SNX27: variants seen among roughly 807,000 people sequenced by gnomAD.
The protein encoded by SNX27 is sorting nexin 27.
SNX27 carries 22 observed loss-of-function variants against 71.6 expected under a neutral mutation model. That is an observed-to-expected ratio of 0.31 (90% CI 0.22 to 0.44). The LOEUF (loss-of-function observed/expected upper bound fraction) is 0.44. Among genes scored for constraint, SNX27 ranks in the 20% least tolerant of loss-of-function variants. The pLI is 1.00. For synonymous variants in SNX27, 269 were observed against 277.2 expected (o/e 0.97, Z 0.29); for missense variants, 531 against 698.6 (o/e 0.76, Z 2.70).
In SNX27 at chr1:151,612,925, C is replaced by A. The variant is rs370418916; in HGVS notation, c.311+413C>A. 2.6e-5 allele frequency among the ~76,000 whole-genome samples: 4 copies of A among 152,020 alleles called. No individual in the cohort carries two copies. The highest frequency in any genetic ancestry group is 2.4e-5 in the African/African-American group (1 of 41,342). Reference sequence around the variant, plus strand: ...CTGATCCAGCCAGTACCGTGTCCCCCCCAAGTTCTCATCTTCAGCATCGCA... The same window carrying A: ...CTGATCCAGCCAGTACCGTGTCCCCACCAAGTTCTCATCTTCAGCATCGCA... On this transcript the variant is annotated intron_variant, in intron 1 of 11. Transcript: ENST00000458013. This position sits in a 1 kb window ranked among gnomAD's most constrained non-coding sequence, Gnocchi z 5.2.
chr1:151,689,535 A>G (rs998053272), intron 8 of SNX27, among the ~76,000 whole-genome samples: 2 of 152,262 alleles, frequency 1.3e-5, no homozygotes, highest in African/African-American at 2.4e-5. Flanking sequence ...GATCTATTAT[A>G]GTAAAAGTCC....
chr1:151,623,823 GAAA>G (rs940405079), intron 1 of SNX27, among the ~76,000 whole-genome samples: 2 of 149,300 alleles, frequency 1.3e-5, no homozygotes, highest in African/African-American at 4.9e-5. Flanking sequence ...AGATAAAAAT[GAAA>G]AAAAAATCCT....
At chr1:151,664,652 T>C (rs1484219599) in intron 5 of SNX27, among the ~76,000 whole-genome samples, 1 of 152,176 alleles carries the variant, frequency 6.6e-6, no homozygotes, top group African/African-American at 2.4e-5. Context: ...TATATTTCTC[T>C]TTTGTAGCAA....
intron 1 of SNX27, among the ~76,000 whole-genome samples, chr1:151,632,781 G>A (rs1391774258): frequency 6.6e-6 from 1 of 151,884 alleles, no homozygotes; most frequent in Non-Finnish European, 1.5e-5. Flanking sequence ...GTAGAATAGG[G>A]GTTATGCTTT....
chr1:151,618,895 G>A (rs1319288640), intron 1 of SNX27, among the ~76,000 whole-genome samples: 4 of 152,044 alleles, frequency 2.6e-5, no homozygotes, highest in African/African-American at 7.2e-5. Flanking sequence ...CCCATGGATG[G>A]GTTGGTACAG....
chr1:151,658,259 A>T lies in SNX27; in HGVS notation c.568A>T (p.Arg190Trp). Residue 190 changes from arginine (R) to tryptophan (W), a missense_variant, in exon 3 of 12, where the codon AGG becomes TGG. By Grantham distance (101) the Arg-to-Trp change is moderately radical (BLOSUM62 -3). This residue lies in a region of SNX27 where 184 missense variants were observed against 289.6 expected (regional missense o/e 0.64). Coordinates refer to ENST00000458013, the MANE Select transcript of SNX27 (RefSeq NM_001330723.2). ...FVVYNVYMAG[R>W]QLCSKRYREF... ...GGTATATAATGTTTACATGGCAGGGAGGCAGCTGTGTTCTAAGCGGTACCG... is the reference window on the plus strand; with the variant it reads ...GGTATATAATGTTTACATGGCAGGGTGGCAGCTGTGTTCTAAGCGGTACCG... The T allele has an allele frequency of 6.2e-7, 1 of 1,611,874 alleles. No individual in the cohort carries two copies. The highest frequency in any genetic ancestry group is 8.5e-7 in the Non-Finnish European group (1 of 1,179,238).
chr1:151,637,939 T>C (rs1668542792), intron 1 of SNX27, among the ~76,000 whole-genome samples: 1 of 152,230 alleles, frequency 6.6e-6, no homozygotes, highest in African/African-American at 2.4e-5. Flanking sequence ...TCTCTTGGGA[T>C]AGCCATGGGA....
At chr1:151,646,159 C>G (rs751675632) in intron 2 of SNX27, among the ~76,000 whole-genome samples, 51 of 152,132 alleles carry the variant, frequency 3.4e-4, no homozygotes, top group Non-Finnish European at 1.2e-4. Context: ...ATATGAGCCA[C>G]TAACATATAG....
chr1:151,653,241 GTTGT>G lies in SNX27; in HGVS notation c.544-4979_544-4976del, dbSNP rs892317627. 2.0e-5 allele frequency among the ~76,000 whole-genome samples: 3 copies of G among 151,440 alleles called. No homozygotes were observed. The South Asian group carries it at 6.3e-4, about 32-fold the overall frequency. On this transcript the variant is annotated intron_variant, in intron 2 of 11. Coordinates refer to ENST00000458013, the MANE Select transcript of SNX27 (RefSeq NM_001330723.2). ...GCACCCAGCCTTTTTTTTTGTTGTT[GTTGT>G]TTGTTTGTTTGTTTTCCATTTTTGT...
intron 2 of SNX27, among the ~76,000 whole-genome samples, chr1:151,644,302 A>C (rs1668923536): frequency 1.3e-5 from 2 of 152,064 alleles, no homozygotes; most frequent in Non-Finnish European, 2.9e-5. Flanking sequence ...CAAACCTCCC[A>C]TCCCCTCCAA....
At position 151,617,219 on chromosome 1, in the gene SNX27, C is replaced by A. The variant is rs182208503; in HGVS notation, c.311+4707C>A. On this transcript the variant is annotated intron_variant, in intron 1 of 11. Transcript: ENST00000458013. The stretch of plus-strand genomic sequence containing the variant: ...AGTTAATATTAATAGTTATAATAAT[C>A]ATTTTACTGCTTTGCAGCGTGTATA... 2.8e-3 allele frequency among the ~76,000 whole-genome samples: 426 copies of A among 152,156 alleles called. 1 individual carries two copies. The highest frequency in any genetic ancestry group is 9.5e-3 in the African/African-American group (396 of 41,528).
At chr1:151,629,434 C>T (rs1052949390) in intron 1 of SNX27, 7 of 145,940 alleles carry the variant, frequency 4.8e-5, no homozygotes, top group Non-Finnish European at 1.5e-5. Flanking sequence ...TATATATACA[C>T]GCACATATAT....
At chr1:151,667,568 G>C (rs967368856) in intron 6 of SNX27, among the ~76,000 whole-genome samples, 1 of 147,368 alleles carries the variant, frequency 6.8e-6, no homozygotes, top group Non-Finnish European at 1.5e-5. Context: ...GCTCACGCCT[G>C]TAATCCCAGC....
At chr1:151,673,509 A>G (rs770624206) in intron 7 of SNX27, among the ~76,000 whole-genome samples, 19 of 152,142 alleles carry the variant, frequency 1.2e-4, no homozygotes, top group Non-Finnish European at 2.5e-4. Context: ...CAGTCATTGG[A>G]TGAAGTGTTC....
chr1:151,652,848 C>T (rs1289599068), intron 2 of SNX27, among the ~76,000 whole-genome samples: 1 of 151,706 alleles, frequency 6.6e-6, no homozygotes, highest in African/African-American at 2.4e-5. Flanking sequence ...CACGGTTATT[C>T]TAATAATATG....
intron 7 of SNX27, among the ~76,000 whole-genome samples, chr1:151,681,233 A>ATTTTTTTTTTTTTT (rs1558071789): frequency 1.1e-5 from 1 of 87,374 alleles, no homozygotes; most frequent in African/African-American, 5.0e-5. Context: ...TAGTCTCTCA[A>ATTTTTTTTTTTTTT]TCTTTTTTTT....
chr1:151,650,419 G>T (rs973564543), intron 2 of SNX27, among the ~76,000 whole-genome samples: 1 of 151,894 alleles, frequency 6.6e-6, no homozygotes. Context: ...GGAATATGTG[G>T]TTTGATATCT....
intron 8 of SNX27, among the ~76,000 whole-genome samples, chr1:151,687,689 C>T (rs1354913876): frequency 5.9e-5 from 9 of 152,158 alleles, no homozygotes; most frequent in African/African-American, 2.2e-4. Context: ...TGGCTCACGC[C>T]TATAATCCCA....
At chr1:151,648,574 C>T (rs1669171241) in intron 2 of SNX27, among the ~76,000 whole-genome samples, 1 of 152,102 alleles carries the variant, frequency 6.6e-6, no homozygotes, top group South Asian at 2.1e-4. Flanking sequence ...CATGAACCAC[C>T]ACGCCTGGCT....
Sources: allele counts gnomAD v4.1 joint callset (sites outside exome capture counted in the v4.1 genomes callset), GRCh38; gene constraint gnomAD v4.1.1; regional missense constraint gnomAD v4.1.1; non-coding constraint Gnocchi (gnomAD v3.1); transcripts MANE v1.5; gene names NCBI Gene and HGNC (gene_info 2026-07-23, HGNC 2026-07-21).